GLRX3: variants seen among roughly 807,000 people sequenced by gnomAD.
GLRX3 encodes glutaredoxin-3.
Under a neutral mutation model 49.5 loss-of-function variants are expected in GLRX3, and 22 were observed. The ratio of observed to expected loss-of-function variants is 0.44; its 90% CI spans 0.32 to 0.63. The LOEUF is 0.63. Ranked by LOEUF, GLRX3 falls within the 30% of genes least tolerant of loss-of-function variation. The pLI, the probability that GLRX3 is intolerant of heterozygous loss-of-function variation, is 0.05. For missense variants in GLRX3, 385 were observed against 396.3 expected (o/e 0.97, Z 0.24); for synonymous variants, 133 against 140.0 (o/e 0.95, Z 0.35).
At chr10:130,167,524 C>A (rs1406332500) in intron 6 of GLRX3, among the ~76,000 whole-genome samples, 3 of 152,120 alleles carry the variant, frequency 2.0e-5, no homozygotes, top group African/African-American at 7.2e-5. Flanking sequence ...TCTCACTTGG[C>A]TTTTAGAGAC....
intron 2 of GLRX3, among the ~76,000 whole-genome samples, chr10:130,155,567 T>G (rs1290607537): frequency 6.6e-6 from 1 of 152,160 alleles, no homozygotes; most frequent in Admixed American, 6.5e-5. Context: ...TGTCTCCTTT[T>G]TGATTTTAGG....
intron 7 of GLRX3, among the ~76,000 whole-genome samples, chr10:130,170,447 G>T (rs1008355691): frequency 6.6e-6 from 1 of 152,140 alleles, no homozygotes; most frequent in Non-Finnish European, 1.5e-5. Context: ...AACATAACTG[G>T]TTAATATAAT....
At chr10:130,136,710 C>T (rs1327076634) in intron 1 of GLRX3, among the ~76,000 whole-genome samples, 198 bp downstream of exon 1, 1 of 152,186 alleles carries the variant, frequency 6.6e-6, no homozygotes, top group Non-Finnish European at 1.5e-5. Flanking sequence ...GTTCCCCGCC[C>T]CGGAACAGCG....
At chr10:130,167,807 A>G (rs1237514302) in intron 6 of GLRX3, among the ~76,000 whole-genome samples, 2 of 152,180 alleles carry the variant, frequency 1.3e-5, no homozygotes, top group Non-Finnish European at 1.5e-5. Context: ...CAATCCACGT[A>G]TGTCAGGCTG....
intron 6 of GLRX3, among the ~76,000 whole-genome samples, chr10:130,167,927 T>C (rs1006351359): frequency 6.6e-6 from 1 of 152,184 alleles, no homozygotes; most frequent in Non-Finnish European, 1.5e-5. Context: ...CATGTGTGGT[T>C]CTTGCCTGTA....
At chr10:130,137,680 A>G (rs10829691) in intron 1 of GLRX3, among the ~76,000 whole-genome samples, 4 of 151,994 alleles carry the variant, frequency 2.6e-5, no homozygotes, top group Non-Finnish European at 5.9e-5. Context: ...AGATGTTGGC[A>G]CTTAGTATTT....
intron 2 of GLRX3, among the ~76,000 whole-genome samples, chr10:130,149,142 C>T (rs1805150011): frequency 6.6e-6 from 1 of 152,112 alleles, no homozygotes; most frequent in African/African-American, 2.4e-5. Context: ...TGAGTCACTG[C>T]CATGTCTAGT....
At chr10:130,178,097 TC>T (rs1862956820) in intron 10 of GLRX3, among the ~76,000 whole-genome samples, 1 of 152,202 alleles carries the variant, frequency 6.6e-6, no homozygotes, top group Non-Finnish European at 1.5e-5. Context: ...TTTCTGCCTT[TC>T]CCTCTTACTG....
intron 2 of GLRX3, among the ~76,000 whole-genome samples, chr10:130,153,358 TC>T (rs2134889515): frequency 6.6e-6 from 1 of 152,320 alleles, no homozygotes; most frequent in African/African-American, 2.4e-5. Context: ...GGAGTTGCGT[TC>T]CTTTGGAGGA....
intron 4 of GLRX3, among the ~76,000 whole-genome samples, chr10:130,166,129 G>C (rs183943505): frequency 6.6e-6 from 1 of 152,250 alleles, no homozygotes; most frequent in East Asian, 1.9e-4. Context: ...CCAGTCTCTG[G>C]GATTACAGGT....
At chr10:130,143,714 T>C (rs76255115) in intron 1 of GLRX3, among the ~76,000 whole-genome samples, 1 of 151,932 alleles carries the variant, frequency 6.6e-6, no homozygotes. Flanking sequence ...TTTTTTTTTT[T>C]TGAGGCAGAG....
chr10:130,141,216 G>A (rs1862167883), intron 1 of GLRX3, among the ~76,000 whole-genome samples: 1 of 152,040 alleles, frequency 6.6e-6, no homozygotes, highest in Admixed American at 6.6e-5. Flanking sequence ...GCTGAGGTGG[G>A]AGGATCACCT....
intron 2 of GLRX3, among the ~76,000 whole-genome samples, chr10:130,148,433 C>CTTT (rs57482969): frequency 0.041 from 2,867 of 70,498 alleles, 295 homozygotes; most frequent in Non-Finnish European, 0.049. Context: ...GCCCTTCAGT[C>CTTT]TTTTTTTTTT....
At chr10:130,169,065 A>G (rs1862752056) in intron 6 of GLRX3, among the ~76,000 whole-genome samples, 1 of 152,316 alleles carries the variant, frequency 6.6e-6, no homozygotes, top group Middle Eastern at 3.4e-3. Flanking sequence ...ATGCAGCATC[A>G]TGATGGAAGA....
intron 2 of GLRX3, among the ~76,000 whole-genome samples, chr10:130,149,991 C>G (rs1175273507): frequency 4.7e-5 from 7 of 148,454 alleles, no homozygotes; most frequent in African/African-American, 1.7e-4. Context: ...GTAATCCCAG[C>G]ACTTTGGGAG....
chr10:130,138,167 C>G (rs1231487681), intron 1 of GLRX3, among the ~76,000 whole-genome samples: 1 of 152,096 alleles, frequency 6.6e-6, no homozygotes, highest in African/African-American at 2.4e-5. Flanking sequence ...AGCGATCCTC[C>G]CACCTCAGCC....
Position 130,164,629 on chromosome 10 carries a change from A to T in GLRX3, c.479-1878A>T, listed in dbSNP as rs7068478. ...ACATTTAAATATTTTTATTGCATGC[A>T]TGCATTTTTCTTAAAAAAAGGTGTG... On this transcript the variant is annotated intron_variant, in intron 4 of 10. Transcript: ENST00000331244. Among the ~76,000 whole-genome samples, 218 of 152,294 alleles carry T rather than the reference A, an allele frequency of 1.4e-3. 1 individual carries two copies. Among genetic ancestry groups the T allele is most frequent in the African/African-American group, 5.0e-3 (209 of 41,562 alleles).
chr10:130,151,794 A>C (rs1209652023), intron 2 of GLRX3, among the ~76,000 whole-genome samples: 1 of 152,036 alleles, frequency 6.6e-6, no homozygotes, highest in Non-Finnish European at 1.5e-5. Context: ...AGTCTGTTTT[A>C]TCAGAGACCA....
At chr10:130,166,747 ATAAAT>A in intron 5 of GLRX3, 68 bp downstream of exon 5, 1 of 1,178,306 alleles carries the variant, frequency 8.5e-7, no homozygotes, top group Non-Finnish European at 1.2e-6. Flanking sequence ...AAATGTTGTG[ATAAAT>A]CTAAGATACA....
Sources: allele counts gnomAD v4.1 joint callset (sites outside exome capture counted in the v4.1 genomes callset), GRCh38; gene constraint gnomAD v4.1.1; transcripts MANE v1.5; gene names NCBI Gene and HGNC (gene_info 2026-07-23, HGNC 2026-07-21).